COL8A1: variants seen among roughly 807,000 people sequenced by gnomAD.
COL8A1 encodes the protein collagen type VIII alpha 1 chain, also known as collagen alpha-1(VIII) chain.
Under a neutral mutation model 42.7 loss-of-function variants are expected in COL8A1, and 21 were observed. The observed-to-expected ratio is 0.49, with a 90% CI of 0.35 to 0.71. The LOEUF is 0.71. Ranked by LOEUF, COL8A1 falls within the 30% of genes least tolerant of loss-of-function variation. COL8A1 has a pLI of 0.01. For missense variants in COL8A1, 788 were observed against 962.4 expected, an observed-to-expected ratio of 0.82 and a Z score of 2.40; for synonymous variants, 367 against 369.1, an observed-to-expected ratio of 0.99 and a Z score of 0.06.
chr3:99,791,052 C>T (rs776136975), intron 3 of COL8A1, 42 bp downstream of exon 3: 4 of 1,518,734 alleles, frequency 2.6e-6, no homozygotes. Context: ...AACAGCTTTC[C>T]AAATCTCTAA....
At position 99,794,667 on chromosome 3, in the gene COL8A1, C is replaced by A. The variant is rs757713757; in HGVS notation, c.766C>A (p.Pro256Thr). The A allele has an allele frequency of 7.4e-6, 12 of 1,613,520 alleles. No individual in the cohort carries two copies. The highest frequency in any genetic ancestry group is 1.6e-4 in the Middle Eastern group (1 of 6,076). The stretch of plus-strand genomic sequence containing the variant: ...GCCAGGTGCGCCAGGTGTAAAGGGG[C>A]CTCCAGGGATGCACGGCCCTCCCGG... ...GMPGAPGVKG[P>T]PGMHGPPGPV... The change falls in exon 4 of 4, where the codon CCT (proline) becomes ACT (threonine). Residue 256 changes from proline (P) to threonine (T), a missense_variant. By Grantham distance (38) the Pro-to-Thr change is conservative (BLOSUM62 -1). Around this residue, in one of 4 missense-constraint regions of COL8A1, gnomAD observed 421 missense variants for 553.1 expected, o/e 0.76. Coordinates refer to ENST00000652472, the MANE Select transcript of COL8A1 (RefSeq NM_020351.4). The surrounding 1 kb of genome is among the most constrained non-coding windows in gnomAD (Gnocchi z 4.3).
chr3:99,744,476 C>T (rs1470324049), intron 1 of COL8A1, among the ~76,000 whole-genome samples: 2 of 152,030 alleles, frequency 1.3e-5, no homozygotes, highest in East Asian at 1.9e-4. Flanking sequence ...GATAAATAAC[C>T]AAGAATAATT....
Position 99,794,290 on chromosome 3 carries a change from G to T in COL8A1, c.389G>T (p.Gly130Val), listed in dbSNP as rs373520786. The change falls in exon 4 of 4, where the codon GGA (glycine) becomes GTA (valine). Residue 130 changes from glycine (G) to valine (V), a missense_variant. Around this residue, in one of 4 missense-constraint regions of COL8A1, gnomAD observed 421 missense variants for 553.1 expected, o/e 0.76. Transcript: ENST00000652472. The surrounding 1 kb of genome is among the most constrained non-coding windows in gnomAD (Gnocchi z 4.3). ...QGPRGEPGPR[G>V]PPGPPGLPGH... ...CCCCGTGGAGAGCCTGGCCCAAGAG[G>T]ACCACCTGGGCCCCCTGGTTTGCCA... 6.2e-7 allele frequency: 1 copy of T among 1,612,626 alleles called. No homozygotes were observed. The highest frequency in any genetic ancestry group is 1.3e-5 in the African/African-American group (1 of 74,776).
chr3:99,774,670 T>C (rs560072253), intron 2 of COL8A1, among the ~76,000 whole-genome samples: 22 of 152,214 alleles, frequency 1.4e-4, no homozygotes, highest in South Asian at 1.2e-3. Context: ...CTGTTACTCA[T>C]TTCACAGAGA....
intron 1 of COL8A1, among the ~76,000 whole-genome samples, chr3:99,696,468 G>A (rs1939368816): frequency 2.0e-5 from 3 of 152,176 alleles, no homozygotes; most frequent in Non-Finnish European, 4.4e-5. Context: ...TTTTCACCTA[G>A]AGCAACCAAC....
Position 99,796,900 on chromosome 3 carries a change from A to G in COL8A1, c.*764A>G, listed in dbSNP as rs1337115194. The G allele has an allele frequency of 1.3e-5, 2 of 152,228 alleles. No individual in the cohort carries two copies. The highest frequency in any genetic ancestry group is 2.9e-5 in the Non-Finnish European group (2 of 68,048). 9.4% of individuals were successfully genotyped at this position (152,228 alleles called of 1,614,324 possible). A position where few individuals can be genotyped will look rare whatever the true frequency, so the allele number is the denominator to read the frequency against. ...GGAGCTAGAGAACCGGATGGGAGACATGAGCAGTAATTAACTCACTTGTTC... is the reference window on the plus strand; with the variant it reads ...GGAGCTAGAGAACCGGATGGGAGACGTGAGCAGTAATTAACTCACTTGTTC... On this transcript the variant is annotated 3_prime_UTR_variant, in exon 4 of 4. Coordinates refer to ENST00000652472, the MANE Select transcript of COL8A1 (RefSeq NM_020351.4).
chr3:99,639,992 T>C (rs1276406754), intron 1 of COL8A1, among the ~76,000 whole-genome samples: 1 of 152,202 alleles, frequency 6.6e-6, no homozygotes, highest in African/African-American at 2.4e-5. Flanking sequence ...GAAACAAGAC[T>C]CATTAGAAAT....
intron 1 of COL8A1, among the ~76,000 whole-genome samples, chr3:99,699,783 T>C (rs2107345004): frequency 6.6e-6 from 1 of 152,200 alleles, no homozygotes; most frequent in Middle Eastern, 3.4e-3. Flanking sequence ...ATCCTCTTTC[T>C]CTCTCCCCCG....
At chr3:99,765,282 A>C (rs563249903) in intron 2 of COL8A1, among the ~76,000 whole-genome samples, 1 of 152,212 alleles carries the variant, frequency 6.6e-6, no homozygotes, top group Non-Finnish European at 1.5e-5. Flanking sequence ...TCTTAGCTCC[A>C]GTCTGGTAAA....
intron 1 of COL8A1, among the ~76,000 whole-genome samples, chr3:99,699,858 G>A (rs569291836): frequency 3.6e-4 from 54 of 151,896 alleles, no homozygotes; most frequent in African/African-American, 1.2e-3. Flanking sequence ...CAAACATACC[G>A]TCTTTTTTAA....
At chr3:99,779,674 T>C (rs947415188) in intron 2 of COL8A1, among the ~76,000 whole-genome samples, 2 of 152,204 alleles carry the variant, frequency 1.3e-5, no homozygotes, top group Non-Finnish European at 2.9e-5. Context: ...ATATAATATT[T>C]GTTACTCACT....
intron 1 of COL8A1, among the ~76,000 whole-genome samples, chr3:99,643,029 A>C (rs937220402): frequency 4.6e-5 from 7 of 152,172 alleles, no homozygotes; most frequent in African/African-American, 2.4e-5. Context: ...CCTTGGAGCT[A>C]ATTGTAACTA....
chr3:99,731,110 T>C (rs1940493639), intron 1 of COL8A1, among the ~76,000 whole-genome samples: 2 of 151,804 alleles, frequency 1.3e-5, no homozygotes, highest in South Asian at 4.1e-4. Flanking sequence ...TGCTTTGGAG[T>C]AGTTGGGGAG....
intron 2 of COL8A1, among the ~76,000 whole-genome samples, chr3:99,785,756 G>A (rs750268532): frequency 9.9e-5 from 15 of 152,178 alleles, no homozygotes; most frequent in Non-Finnish European, 1.9e-4. Context: ...GGAGGTGACT[G>A]CCATCTACAA....
intron 1 of COL8A1, among the ~76,000 whole-genome samples, chr3:99,712,269 C>T (rs1396341053): frequency 6.6e-6 from 1 of 152,088 alleles, no homozygotes; most frequent in Non-Finnish European, 1.5e-5. Context: ...TTCCTGGAAA[C>T]TCTACCTCTC....
chr3:99,698,172 T>C (rs577265388), intron 1 of COL8A1, among the ~76,000 whole-genome samples: 1 of 152,354 alleles, frequency 6.6e-6, no homozygotes, highest in Admixed American at 6.5e-5. Context: ...CTGCATAGTA[T>C]TCCATGGTGT....
At chr3:99,666,337 T>A (rs1028556028) in intron 1 of COL8A1, among the ~76,000 whole-genome samples, 5 of 152,058 alleles carry the variant, frequency 3.3e-5, no homozygotes, top group African/African-American at 4.8e-5. Context: ...GTCCTTGAGC[T>A]CCTTGAGCTT....
At chr3:99,777,628 T>A (rs1007084685) in intron 2 of COL8A1, among the ~76,000 whole-genome samples, 1 of 152,096 alleles carries the variant, frequency 6.6e-6, no homozygotes, top group African/African-American at 2.4e-5. Flanking sequence ...GGAAAAAAAA[T>A]TACTGAAAGA....
In COL8A1 at chr3:99,794,115, C is replaced by T; in HGVS notation, c.329-115C>T. On this transcript the variant is annotated intron_variant, in intron 3 of 3. Coordinates refer to ENST00000652472, the MANE Select transcript of COL8A1 (RefSeq NM_020351.4). This position sits in a 1 kb window ranked among gnomAD's most constrained non-coding sequence, Gnocchi z 4.3. ...GTCTTTTCTCTTGATAAGTATTAGG[C>T]AAATGTGTCAGAACTAAATAATGGT... is the stretch of plus-strand genomic sequence containing the variant. 1.5e-6 allele frequency: 1 copy of T among 666,728 alleles called. No individual in the cohort carries two copies. The highest frequency in any genetic ancestry group is 2.5e-6 in the Non-Finnish European group (1 of 393,528). The allele number at this position is 666,728 out of a possible 1,614,324, so 41.3% of individuals were successfully genotyped here.
Sources: allele counts gnomAD v4.1 joint callset (sites outside exome capture counted in the v4.1 genomes callset), GRCh38; gene constraint gnomAD v4.1.1; regional missense constraint gnomAD v4.1.1; non-coding constraint Gnocchi (gnomAD v3.1); transcripts MANE v1.5; gene names NCBI Gene and HGNC (gene_info 2026-07-23, HGNC 2026-07-21).